CLOCK: variants seen among roughly 807,000 people sequenced by gnomAD.
The protein encoded by CLOCK is circadian locomoter output cycles protein kaput.
Under a neutral mutation model 118.4 loss-of-function variants are expected in CLOCK, and 43 were observed. The observed-to-expected ratio is 0.36, with a 90% CI of 0.28 to 0.47. The LOEUF (loss-of-function observed/expected upper bound fraction) is 0.47. Among genes scored for constraint, CLOCK ranks in the 20% least tolerant of loss-of-function variants. CLOCK has a pLI of 1.00. For synonymous variants in CLOCK, 326 were observed against 339.2 expected, an observed-to-expected ratio of 0.96 and a Z score of 0.43; for missense variants, 846 against 999.9, an observed-to-expected ratio of 0.85 and a Z score of 2.08.
rs561809012 is a variant in CLOCK at position 55,434,152 on chromosome 4, C to T, written c.*1263G>A. 2.6e-4 allele frequency: 40 copies of T among 152,698 alleles called. No homozygotes were observed. The South Asian group carries it at 5.2e-3, about 20-fold the overall frequency. 9.5% of individuals were successfully genotyped at this position (152,698 alleles called of 1,614,324 possible). A position where few individuals can be genotyped will look rare whatever the true frequency, so the allele number is the denominator to read the frequency against. On this transcript the variant is annotated 3_prime_UTR_variant, in exon 23 of 23. Coordinates refer to ENST00000513440, the MANE Select transcript of CLOCK (RefSeq NM_004898.4). The stretch of plus-strand genomic sequence containing the variant: ...AGGTACTAAGGTTTCAAAACTGCTA[C>T]GGAAACCGGACAATGACTTCAAGAT...
chr4:55,459,203 C>A lies in CLOCK; in HGVS notation c.618G>T (p.Glu206Asp). 1 of 1,612,628 alleles carries A rather than the reference C, an allele frequency of 6.2e-7. No homozygotes were observed. The stretch of plus-strand genomic sequence containing the variant: ...ATTTTACATATTCATAGGTAGATGG[C>A]TCCTTTGGGTCTATTGTTCCTCGCA... ...HMLRGTIDPK[E>D]PSTYEYVKFI... The change falls in exon 10 of 23, where the codon GAG (glutamate) becomes GAT (aspartate). Residue 206 changes from glutamate to aspartate, a missense_variant. Physicochemically the swap from Glu to Asp is conservative, Grantham distance 45. Coordinates refer to ENST00000513440, the MANE Select transcript of CLOCK (RefSeq NM_004898.4).
Position 55,543,234 on chromosome 4 carries a change from C to T in CLOCK, c.-290+3548G>A, listed in dbSNP as rs116071003. On this transcript the variant is annotated intron_variant, in intron 1 of 22. Coordinates refer to ENST00000513440, the MANE Select transcript of CLOCK (RefSeq NM_004898.4). Reference sequence around the variant, plus strand: ...TAAAACTCACATCAGTATGACCTCCCTTCAAACTCTGCAAATGCCTCCATA... The same window carrying T: ...TAAAACTCACATCAGTATGACCTCCTTTCAAACTCTGCAAATGCCTCCATA... Among the ~76,000 whole-genome samples, 468 of 152,284 alleles carry T rather than the reference C, an allele frequency of 3.1e-3. 2 individuals are homozygous for T. The highest frequency in any genetic ancestry group is 0.01 in the African/African-American group (431 of 41,556).
At chr4:55,486,811 A>G (rs1727329960) in intron 3 of CLOCK, among the ~76,000 whole-genome samples, 2 of 152,182 alleles carry the variant, frequency 1.3e-5, no homozygotes, top group Non-Finnish European at 2.9e-5. Flanking sequence ...AAAATTGAAC[A>G]GTGATGTGCC....
chr4:55,486,135 C>T (rs1181023988), intron 3 of CLOCK, among the ~76,000 whole-genome samples: 1 of 152,092 alleles, frequency 6.6e-6, no homozygotes, highest in Non-Finnish European at 1.5e-5. Flanking sequence ...ATTATGACTC[C>T]GTAAATGCCA....
rs753162884 is a variant in CLOCK, at chr4:55,448,862, T to G, written c.1456A>C (p.Asn486His). The G allele has an allele frequency of 4.3e-6, 7 of 1,613,208 alleles. No individual in the cohort carries two copies. The highest frequency in any genetic ancestry group is 1.3e-5 in the African/African-American group (1 of 75,008). ...RRSSFSSQSI[N>H]SQSVGSSLTQ... ...AATGATGAACCAACAGACTGGGAAT[T>G]TATGGACTAGAGCAAAATAAAAAAT... is the stretch of plus-strand genomic sequence containing the variant. Residue 486 changes from asparagine to histidine, a missense_variant, in exon 18 of 23, where the codon AAT becomes CAT. By Grantham distance (68) the Asn-to-His change is moderately conservative (BLOSUM62 1). Coordinates refer to ENST00000513440, the MANE Select transcript of CLOCK (RefSeq NM_004898.4).
At chr4:55,466,050 T>C (rs1706103080) in intron 8 of CLOCK, among the ~76,000 whole-genome samples, 1 of 152,148 alleles carries the variant, frequency 6.6e-6, no homozygotes. Context: ...ATGATATTGA[T>C]GCAAAAAATA....
In CLOCK at chr4:55,455,952, G is replaced by C. The variant is rs779139463; in HGVS notation, c.927C>G (p.Gly309=). The C allele has an allele frequency of 1.9e-6, 3 of 1,613,582 alleles. No homozygotes were observed. In the South Asian group the frequency reaches 3.3e-5, roughly 18 times the overall value. ...YLPFEVLGTS[G]YDYYHVDDLE... is the part of the protein sequence containing the mutation. ...GGTCATCCACATGATAGTAATCATA[G>C]CCTGATGTTCCCAGAACTTCAAATG... Residue 309 remains glycine (G), a synonymous_variant, in exon 13 of 23, where the codon GGC becomes GGG. Coordinates refer to ENST00000513440, the MANE Select transcript of CLOCK (RefSeq NM_004898.4).
chr4:55,521,185 CTTAA>C (rs1272475429), intron 1 of CLOCK, among the ~76,000 whole-genome samples: 2 of 152,086 alleles, frequency 1.3e-5, no homozygotes, highest in African/African-American at 2.4e-5. Context: ...ATTTGTGTCC[CTTAA>C]TTAATCTGTC....
At chr4:55,542,240 G>A (rs1731313917) in intron 1 of CLOCK, among the ~76,000 whole-genome samples, 1 of 150,990 alleles carries the variant, frequency 6.6e-6, no homozygotes, top group Non-Finnish European at 1.5e-5. Context: ...TACTCTTGGA[G>A]GGCTAAGGCA....
intron 2 of CLOCK, among the ~76,000 whole-genome samples, chr4:55,491,322 T>C (rs528942358): frequency 7.1e-5 from 7 of 98,064 alleles, no homozygotes; most frequent in South Asian, 3.0e-4. Flanking sequence ...ACAAAGCCCA[T>C]AGAGAGCAGA....
At chr4:55,444,610 T>C in intron 19 of CLOCK, 23 bp downstream of exon 19, 1 of 1,613,884 alleles carries the variant, frequency 6.2e-7, no homozygotes, top group South Asian at 1.1e-5. Flanking sequence ...GATGCTTTGT[T>C]TGTATTCAAA....
At chr4:55,486,574 A>C (rs763332599) in intron 3 of CLOCK, 15 of 151,544 alleles carry the variant, frequency 9.9e-5, no homozygotes, top group Non-Finnish European at 2.1e-4. Context: ...ATGACAGGTA[A>C]ATTTTTTAAG....
At chr4:55,450,690 A>G (rs746762931) in intron 15 of CLOCK, among the ~76,000 whole-genome samples, 19 of 152,056 alleles carry the variant, frequency 1.2e-4, no homozygotes, top group Non-Finnish European at 2.5e-4. Flanking sequence ...AATTCCCTGA[A>G]CTGAGGAGGC....
chr4:55,445,582 C>CTTTTTTTTTTTTTTTTT lies in CLOCK; in HGVS notation c.1540-814_1540-798dup, dbSNP rs56157186. 2.1e-3 allele frequency among the ~76,000 whole-genome samples: 144 copies of CTTTTTTTTTTTTTTTTT among 68,584 alleles called. 24 individuals carry two copies. Among genetic ancestry groups the CTTTTTTTTTTTTTTTTT allele is most frequent in the East Asian group, 4.9e-3 (10 of 2,022 alleles). 45.0% of individuals were successfully genotyped at this position (68,584 alleles called of 152,430 possible). A position where few individuals can be genotyped will look rare whatever the true frequency, so the allele number is the denominator to read the frequency against. ...TCTCTGCATCTGCTATTTCTATATT[C>CTTTTTTTTTTTTTTTTT]TTTTTTTTTTTTTTTTTTTTTTTTT... On this transcript the variant is annotated intron_variant, in intron 18 of 22. Coordinates refer to ENST00000513440, the MANE Select transcript of CLOCK (RefSeq NM_004898.4).
chr4:55,433,910 C>A lies in CLOCK; in HGVS notation c.*1505G>T, dbSNP rs1722684829. The A allele has an allele frequency of 6.6e-6, 1 of 152,072 alleles. No individual in the cohort carries two copies. Among genetic ancestry groups the A allele is most frequent in the Non-Finnish European group, 1.5e-5 (1 of 68,012 alleles). 9.4% of individuals were successfully genotyped at this position (152,072 alleles called of 1,614,324 possible). Reference sequence around the variant, plus strand: ...TTTTTCTTTGTAGGAATATCAAGATCATATTGAGCAAATATTTCTGGTAAA... The same window carrying A: ...TTTTTCTTTGTAGGAATATCAAGATAATATTGAGCAAATATTTCTGGTAAA... On this transcript the variant is annotated 3_prime_UTR_variant, in exon 23 of 23. Coordinates refer to ENST00000513440, the MANE Select transcript of CLOCK (RefSeq NM_004898.4).
chr4:55,541,239 G>A (rs1248558500), intron 1 of CLOCK, among the ~76,000 whole-genome samples: 2 of 152,156 alleles, frequency 1.3e-5, no homozygotes, highest in African/African-American at 4.8e-5. Flanking sequence ...TGGTTGTAAA[G>A]CAACCTGTAA....
At chr4:55,467,722 G>A (rs1725829106) in intron 8 of CLOCK, among the ~76,000 whole-genome samples, 1 of 151,996 alleles carries the variant, frequency 6.6e-6, no homozygotes, top group Admixed American at 6.6e-5. Context: ...ATTTTTTTAA[G>A]TTGTCCAGAA....
At chr4:55,469,576 A>G (rs1725988436) in intron 8 of CLOCK, among the ~76,000 whole-genome samples, 1 of 152,242 alleles carries the variant, frequency 6.6e-6, no homozygotes, top group Non-Finnish European at 1.5e-5. Flanking sequence ...GACCCCGCGT[A>G]GGCCTAGGCT....
chr4:55,524,055 T>A (rs146078252), intron 1 of CLOCK, among the ~76,000 whole-genome samples: 1 of 152,244 alleles, frequency 6.6e-6, no homozygotes, highest in Non-Finnish European at 1.5e-5. Flanking sequence ...TAAGAACACA[T>A]CATTTTAGCA....
Sources: gnomAD v4.1 joint callset for allele counts (sites outside exome capture counted in the v4.1 genomes callset) on GRCh38, gnomAD v4.1.1 for gene constraint, MANE v1.5 for transcripts, NCBI Gene and HGNC (gene_info 2026-07-23, HGNC 2026-07-21) for gene names.